The following MGMT variants were observed in gnomAD, a reference collection of about 807,000 sequenced individuals.
The protein encoded by MGMT is methylated-DNA--protein-cysteine methyltransferase.
In MGMT, 14 loss-of-function variants were observed where a neutral mutation model predicts 15.9. The observed-to-expected ratio is 0.88, with a 90% CI of 0.58 to 1.37. The LOEUF (loss-of-function observed/expected upper bound fraction) is 1.37, where lower values mean the gene tolerates loss of function less well. Among genes scored for constraint, MGMT ranks in the 40% most tolerant of loss-of-function variants. MGMT has a pLI of 0.00. For synonymous variants in MGMT, 130 were observed against 118.2 expected, an observed-to-expected ratio of 1.10 and a Z score of -0.65; for missense variants, 282 against 268.1, an observed-to-expected ratio of 1.05 and a Z score of -0.36.
At chr10:129,546,584 G>A (rs1329783374) in intron 2 of MGMT, among the ~76,000 whole-genome samples, 2 of 152,196 alleles carry the variant, frequency 1.3e-5, no homozygotes, top group Admixed American at 6.5e-5. Context: ...TGGCCATGAA[G>A]AGCTACCAAT....
chr10:129,703,913 A>G (rs1005751660), intron 2 of MGMT, among the ~76,000 whole-genome samples: 2 of 152,008 alleles, frequency 1.3e-5, no homozygotes, highest in Admixed American at 6.5e-5. Context: ...GTCGGGGCAC[A>G]TGGGCCCCAT....
intron 2 of MGMT, among the ~76,000 whole-genome samples, chr10:129,544,923 C>T (rs989260768): frequency 6.6e-6 from 1 of 152,172 alleles, no homozygotes. Context: ...CTGTTTCTCC[C>T]AGAAGAGGCG....
At chr10:129,599,326 T>G (rs1371320993) in intron 2 of MGMT, among the ~76,000 whole-genome samples, 2 of 152,326 alleles carry the variant, frequency 1.3e-5, no homozygotes, top group Non-Finnish European at 2.9e-5. Context: ...ATTCAAAACA[T>G]GGAAGGAGGC....
intron 2 of MGMT, among the ~76,000 whole-genome samples, chr10:129,580,081 A>G (rs771343864): frequency 2.0e-5 from 3 of 151,880 alleles, no homozygotes; most frequent in Non-Finnish European, 4.4e-5. Flanking sequence ...GGGAGGGAGG[A>G]TCTTTGTTGG....
At chr10:129,513,025 A>G (rs917657521) in intron 1 of MGMT, among the ~76,000 whole-genome samples, 35 of 152,382 alleles carry the variant, frequency 2.3e-4, no homozygotes, top group African/African-American at 7.9e-4. Context: ...GTGAACAGAT[A>G]CATTAAATGT....
At chr10:129,759,966 C>T (rs1007576091) in intron 4 of MGMT, among the ~76,000 whole-genome samples, 2 of 152,228 alleles carry the variant, frequency 1.3e-5, no homozygotes, top group African/African-American at 4.8e-5. Context: ...CCCCAGAGCC[C>T]TTCTGTGTCC....
chr10:129,625,468 TAATAA>T (rs1290774273), intron 2 of MGMT, among the ~76,000 whole-genome samples: 4 of 152,352 alleles, frequency 2.6e-5, no homozygotes, highest in African/African-American at 9.6e-5. Context: ...TTTAAAATCC[TAATAA>T]AATATTAGAA....
chr10:129,625,920 T>A (rs1564741064), intron 2 of MGMT, among the ~76,000 whole-genome samples: 1 of 152,214 alleles, frequency 6.6e-6, no homozygotes, highest in Admixed American at 6.5e-5. Context: ...TTGCAGTTCT[T>A]TTCAACTTAC....
intron 2 of MGMT, among the ~76,000 whole-genome samples, chr10:129,657,701 ACACACG>A (rs1327311540): frequency 1.8e-4 from 23 of 131,106 alleles, no homozygotes; most frequent in Admixed American, 3.6e-4. Context: ...ACACACACAC[ACACACG>A]CACACACACA....
At chr10:129,475,446 T>C (rs1845281755) in intron 1 of MGMT, among the ~76,000 whole-genome samples, 1 of 152,152 alleles carries the variant, frequency 6.6e-6, no homozygotes, top group Non-Finnish European at 1.5e-5. Flanking sequence ...CCTTTAACGC[T>C]CGAGGGGAAG....
chr10:129,722,487 A>G (rs572066782), intron 3 of MGMT, among the ~76,000 whole-genome samples: 1 of 152,336 alleles, frequency 6.6e-6, no homozygotes, highest in Non-Finnish European at 1.5e-5. Flanking sequence ...ACACTTTTAA[A>G]TTATTTCAAA....
intron 2 of MGMT, among the ~76,000 whole-genome samples, chr10:129,616,344 C>G (rs1390535710): frequency 6.6e-6 from 1 of 152,208 alleles, no homozygotes; most frequent in Non-Finnish European, 1.5e-5. Flanking sequence ...AAGGCCAGTG[C>G]TGGTCGCCTC....
At chr10:129,582,207 G>A (rs766916565) in intron 2 of MGMT, among the ~76,000 whole-genome samples, 4 of 152,336 alleles carry the variant, frequency 2.6e-5, no homozygotes, top group Non-Finnish European at 4.4e-5. Context: ...ATGAATGTGC[G>A]TGGACCCCGC....
intron 3 of MGMT, among the ~76,000 whole-genome samples, chr10:129,724,228 C>G (rs1168402495): frequency 6.6e-6 from 1 of 152,070 alleles, no homozygotes; most frequent in East Asian, 1.9e-4. Context: ...AATCCACAGA[C>G]ACACACAGCC....
At chr10:129,702,650 C>T (rs1346920036) in intron 2 of MGMT, among the ~76,000 whole-genome samples, 2 of 152,192 alleles carry the variant, frequency 1.3e-5, no homozygotes, top group African/African-American at 2.4e-5. Context: ...GGTCTTGTCT[C>T]CTGCACTGGC....
chr10:129,704,155 C>A (rs915958234), intron 2 of MGMT, among the ~76,000 whole-genome samples: 5 of 152,076 alleles, frequency 3.3e-5, no homozygotes, highest in African/African-American at 7.2e-5. Context: ...AATTGAATGA[C>A]TGAAGGTGTG....
chr10:129,736,989 A>G (rs940991720), intron 3 of MGMT, among the ~76,000 whole-genome samples: 1 of 152,138 alleles, frequency 6.6e-6, no homozygotes, highest in African/African-American at 2.4e-5. Flanking sequence ...GGCTGCCCTT[A>G]ACATTTTTCC....
At chr10:129,526,848 T>C (rs1845876064) in intron 1 of MGMT, among the ~76,000 whole-genome samples, 1 of 152,248 alleles carries the variant, frequency 6.6e-6, no homozygotes, top group Admixed American at 6.5e-5. Flanking sequence ...TCTCTTCCTT[T>C]TAATATGGCA....
chr10:129,758,122 AT>A (rs1473017116), intron 3 of MGMT, among the ~76,000 whole-genome samples: 1 of 152,176 alleles, frequency 6.6e-6, no homozygotes. Flanking sequence ...GACTAAACAG[AT>A]TTTTTTCCCA....
Sources: gnomAD v4.1 joint callset for allele counts (sites outside exome capture counted in the v4.1 genomes callset) on GRCh38, gnomAD v4.1.1 for gene constraint, MANE v1.5 for transcripts, NCBI Gene and HGNC (gene_info 2026-07-23, HGNC 2026-07-21) for gene names.